The following POU6F1 variants were observed in gnomAD, a reference collection of about 807,000 sequenced individuals.
POU6F1 encodes the protein POU class 6 homeobox 1, also known as POU domain, class 6, transcription factor 1.
POU6F1 carries 9 observed loss-of-function variants against 28.9 expected under a neutral mutation model. That is an observed-to-expected ratio of 0.31 (90% CI 0.19 to 0.54). POU6F1 has a LOEUF of 0.54. Ranked by LOEUF, POU6F1 falls within the 20% of genes least tolerant of loss-of-function variation. The pLI, the probability that POU6F1 is intolerant of heterozygous loss-of-function variation, is 0.94. For missense variants in POU6F1, 338 were observed against 426.1 expected (o/e 0.79, Z 1.82); for synonymous variants, 173 against 171.1 (o/e 1.01, Z -0.09).
In POU6F1 at chr12:51,217,701, C is replaced by T. The variant is rs1473403578; in HGVS notation, c.-107G>A. 1 of 152,024 alleles carries T rather than the reference C, an allele frequency of 6.6e-6. No individual in the cohort carries two copies. Among genetic ancestry groups the T allele is most frequent in the Non-Finnish European group, 1.5e-5 (1 of 67,830 alleles). The allele number at this position is 152,024 out of a possible 1,614,324, so 9.4% of individuals were successfully genotyped here. On this transcript the variant is annotated 5_prime_UTR_variant, in exon 1 of 11. The change abolishes an upstream ATG in the 5' untranslated region. Transcript: ENST00000333640. This position sits in a 1 kb window ranked among gnomAD's most constrained non-coding sequence, Gnocchi z 5.3. ...GTCTGGCGGCCACCGATTAGAGATTCATCTCACAGCCCGGGCCAGGGGGCC... is the reference window on the plus strand; with the variant it reads ...GTCTGGCGGCCACCGATTAGAGATTTATCTCACAGCCCGGGCCAGGGGGCC...
chr12:51,198,901 G>C, intron 4 of POU6F1, 126 bp from the exon 5 acceptor site: 1 of 396,614 alleles, frequency 2.5e-6, no homozygotes, highest in Non-Finnish European at 4.4e-6. Context: ...ATGGGCCGAA[G>C]GCCACATGAG....
At chr12:51,192,178 G>A in intron 9 of POU6F1, 152 bp downstream of exon 9, 1 of 1,181,410 alleles carries the variant, frequency 8.5e-7, no homozygotes, top group South Asian at 1.5e-5. Flanking sequence ...CACCTCAACA[G>A]GAATGGGAAT....
At chr12:51,195,938 G>GCCTCACC in intron 8 of POU6F1, 32 bp downstream of exon 8, 1 of 916,160 alleles carries the variant, frequency 1.1e-6, no homozygotes, top group East Asian at 2.9e-5. Context: ...AGCAGAGCCT[G>GCCTCACC]CCCCACCCCC....
intron 8 of POU6F1, among the ~76,000 whole-genome samples, chr12:51,194,611 G>C (rs538320676): frequency 4.7e-5 from 7 of 149,392 alleles, no homozygotes; most frequent in Non-Finnish European, 1.0e-4. Context: ...CTGCACACCA[G>C]CCTGGGCAAC....
At chr12:51,206,423 AAAACAAACAAAC>A (rs535303663) in intron 2 of POU6F1, among the ~76,000 whole-genome samples, 2 of 151,268 alleles carry the variant, frequency 1.3e-5, no homozygotes, top group Admixed American at 1.3e-4. Context: ...ACTCCATCTC[AAAACAAACAAAC>A]AAACAAACAA....
rs149315367 is a variant in POU6F1 at position 51,210,672 on chromosome 12, G to C, written c.-47-3789C>G. Among the ~76,000 whole-genome samples the C allele has an allele frequency of 3.1e-3, 467 of 152,200 alleles. 1 individual carries two copies. Among genetic ancestry groups the C allele is most frequent in the African/African-American group, 0.011 (437 of 41,520 alleles). ...CCCTTAAAATTTGACGAGCTTTGAG[G>C]ACCTGGGTCCTCAGTGTCTGGTCCT... On this transcript the variant is annotated intron_variant, in intron 1 of 10. Coordinates refer to ENST00000333640, the MANE Select transcript of POU6F1 (RefSeq NM_001330422.2).
At chr12:51,198,830 G>A (rs898399261) in intron 4 of POU6F1, 55 bp from the exon 5 acceptor site, 1 of 398,406 alleles carries the variant, frequency 2.5e-6, no homozygotes, top group African/African-American at 2.1e-5. Flanking sequence ...AATCAACATT[G>A]ACAGCGCAAA....
intron 1 of POU6F1, among the ~76,000 whole-genome samples, chr12:51,213,006 G>A (rs760865248): frequency 4.0e-5 from 6 of 151,724 alleles, no homozygotes; most frequent in Non-Finnish European, 8.8e-5. Flanking sequence ...GCGGGATCTC[G>A]GCTTACTGCA....
At position 51,198,662 on chromosome 12, in the gene POU6F1, C is replaced by A. The variant is rs1293760734; in HGVS notation, c.480G>T (p.Gln160His). ...PISIAGQVAG[Q>H]QGLAVWTIPT... ...GAATTGTCCACACGGCCAGCCCCTG[C>A]TGACCAGCCACTTGACCTGCAATAC... The change falls in exon 5 of 11, where the codon CAG (glutamine) becomes CAT (histidine). Residue 160 changes from glutamine (Q) to histidine (H), a missense_variant. By Grantham distance (24) the Gln-to-His change is conservative (BLOSUM62 0). Coordinates refer to ENST00000333640, the MANE Select transcript of POU6F1 (RefSeq NM_001330422.2). 2.5e-6 allele frequency: 1 copy of A among 399,236 alleles called. No homozygotes were observed. The highest frequency in any genetic ancestry group is 4.4e-6 in the Non-Finnish European group (1 of 226,284). The allele number at this position is 399,236 out of a possible 1,614,324, so 24.7% of individuals were successfully genotyped here.
chr12:51,213,813 T>A lies in POU6F1; in HGVS notation c.-48+3829A>T, dbSNP rs113475174. ...TCCCAAAGTTCTGGGATTACAGGCG[T>A]GAGCCACCACATCCGGCCTAATTTC... On this transcript the variant is annotated intron_variant, in intron 1 of 10. Coordinates refer to ENST00000333640, the MANE Select transcript of POU6F1 (RefSeq NM_001330422.2). Among the ~76,000 whole-genome samples, 1,137 of 151,006 alleles carry A rather than the reference T, an allele frequency of 7.5e-3. 13 individuals are homozygous for A. Among genetic ancestry groups the A allele is most frequent in the African/African-American group, 0.027 (1,106 of 41,244 alleles).
In POU6F1 at chr12:51,196,285, TG is replaced by T. The variant is rs1020561322; in HGVS notation, c.976-113del. ...AGACTAATGGACAAATCCCTCAACC[TG>T]CTCTGGCCTCAGCTTCTGCATGAGT... is the stretch of plus-strand genomic sequence containing the variant. On this transcript the variant is annotated intron_variant, in intron 7 of 10. Transcript: ENST00000333640. 134 of 889,806 alleles carry T rather than the reference TG, an allele frequency of 1.5e-4. No homozygotes were observed. In the African/African-American group the frequency reaches 2.2e-3, roughly 15 times the overall value. 55.1% of individuals were successfully genotyped at this position (889,806 alleles called of 1,614,324 possible).
chr12:51,201,448 G>C (rs886949893), intron 3 of POU6F1, among the ~76,000 whole-genome samples: 3 of 152,028 alleles, frequency 2.0e-5, no homozygotes, highest in Non-Finnish European at 4.4e-5. Flanking sequence ...AGGCTGAGGT[G>C]GTAGCATCAC....
intron 8 of POU6F1, among the ~76,000 whole-genome samples, chr12:51,193,471 G>A (rs1942584685): frequency 6.6e-6 from 1 of 152,164 alleles, no homozygotes; most frequent in South Asian, 2.1e-4. Flanking sequence ...GGCTACTGGG[G>A]AGGCTGAGGC....
At chr12:51,214,113 G>T (rs577691443) in intron 1 of POU6F1, among the ~76,000 whole-genome samples, 1 of 151,786 alleles carries the variant, frequency 6.6e-6, no homozygotes, top group African/African-American at 2.4e-5. Flanking sequence ...TTGCACTCCT[G>T]TCTGGGAGAC....
chr12:51,212,859 T>G (rs1414910465), intron 1 of POU6F1, among the ~76,000 whole-genome samples: 1 of 149,966 alleles, frequency 6.7e-6, no homozygotes, highest in Non-Finnish European at 1.5e-5. Flanking sequence ...CAATACAGTA[T>G]GCTTAAGTTT....
At chr12:51,212,212 G>C (rs1448789986) in intron 1 of POU6F1, among the ~76,000 whole-genome samples, 4 of 151,946 alleles carry the variant, frequency 2.6e-5, no homozygotes, top group Non-Finnish European at 4.4e-5. Flanking sequence ...TCCTGCCTCA[G>C]CCTCCTGAGT....
At chr12:51,198,897 C>T (rs906911783) in intron 4 of POU6F1, 122 bp from the exon 5 acceptor site, 11 of 396,496 alleles carry the variant, frequency 2.8e-5, no homozygotes, top group Middle Eastern at 6.2e-4. Flanking sequence ...GGCGATGGGC[C>T]GAAGGCCACA....
intron 1 of POU6F1, among the ~76,000 whole-genome samples, chr12:51,212,159 T>G (rs1214468636): frequency 6.6e-6 from 1 of 151,838 alleles, no homozygotes; most frequent in Non-Finnish European, 1.5e-5. Context: ...AGTGGCACAA[T>G]CTCGGCTCAC....
At chr12:51,207,792 G>A (rs1319637213) in intron 1 of POU6F1, 1 of 152,134 alleles carries the variant, frequency 6.6e-6, no homozygotes, top group African/African-American at 2.4e-5. Context: ...TGATTCAGTG[G>A]GTGAACATCA....
Sources: gnomAD v4.1 joint callset for allele counts (sites outside exome capture counted in the v4.1 genomes callset) on GRCh38, gnomAD v4.1.1 for gene constraint, Gnocchi (gnomAD v3.1) non-coding constraint, MANE v1.5 for transcripts, NCBI Gene and HGNC (gene_info 2026-07-23, HGNC 2026-07-21) for gene names.